Variants in PRR5L observed in about 807,000 individuals in gnomAD.
PRR5L encodes the protein proline-rich protein 5-like.
Under a neutral mutation model 36.4 loss-of-function variants are expected in PRR5L, and 21 were observed. The ratio of observed to expected loss-of-function variants is 0.58; its 90% CI spans 0.41 to 0.83. The LOEUF (loss-of-function observed/expected upper bound fraction) is 0.83. Ranked by LOEUF, PRR5L falls within the 40% of genes least tolerant of loss-of-function variation. The pLI is 0.00. For missense variants in PRR5L, 381 were observed against 473.3 expected, an observed-to-expected ratio of 0.80 and a Z score of 1.81; for synonymous variants, 188 against 197.0, an observed-to-expected ratio of 0.95 and a Z score of 0.38.
At position 36,436,724 on chromosome 11, in the gene PRR5L, GA is replaced by G. The variant is rs1858613041; in HGVS notation, c.353-660del. 3.9e-5 allele frequency among the ~76,000 whole-genome samples: 6 copies of G among 152,202 alleles called. No individual in the cohort carries two copies. The South Asian group carries it at 8.3e-4, about 21-fold the overall frequency. On this transcript the variant is annotated intron_variant, in intron 5 of 8. Coordinates refer to ENST00000530639, the MANE Select transcript of PRR5L (RefSeq NM_001160167.2). ...GATCTTCCTGGATAAGATTGGCCAA[GA>G]GCATGGGTTCTGGAATCACAGCTCT...
At chr11:36,300,393 A>G (rs1355087858) in intron 1 of PRR5L, among the ~76,000 whole-genome samples, 2 of 152,202 alleles carry the variant, frequency 1.3e-5, no homozygotes, top group South Asian at 2.1e-4. Context: ...AACTCACTCC[A>G]TTATCACCAG....
chr11:36,431,013 G>A (rs902305292), intron 4 of PRR5L, among the ~76,000 whole-genome samples: 13 of 152,194 alleles, frequency 8.5e-5, no homozygotes, highest in African/African-American at 2.7e-4. Flanking sequence ...AATATGACAT[G>A]AGTGTAAAGA....
chr11:36,371,056 C>A (rs964168624), intron 1 of PRR5L, among the ~76,000 whole-genome samples: 1 of 152,108 alleles, frequency 6.6e-6, no homozygotes, highest in Admixed American at 6.6e-5. Flanking sequence ...GAATGGAGGG[C>A]AGACACTCCC....
chr11:36,355,654 AT>A, intron 1 of PRR5L, among the ~76,000 whole-genome samples: 1 of 149,638 alleles, frequency 6.7e-6, no homozygotes, highest in African/African-American at 2.5e-5. Flanking sequence ...GGTTCAAGTG[AT>A]TCTCCAGCCT....
At position 36,419,257 on chromosome 11, in the gene PRR5L, G is replaced by C; in HGVS notation, c.248G>C (p.Arg83Pro). 1 of 1,613,942 alleles carries C rather than the reference G, an allele frequency of 6.2e-7. No individual in the cohort carries two copies. Among genetic ancestry groups the C allele is most frequent in the Non-Finnish European group, 8.5e-7 (1 of 1,179,856 alleles). Residue 83 changes from arginine to proline, a missense_variant and splice_region_variant, in exon 4 of 9, where the codon CGG becomes CCG. Arg to Pro is a moderately radical substitution (Grantham distance 103). Coordinates refer to ENST00000530639, the MANE Select transcript of PRR5L (RefSeq NM_001160167.2). Reference sequence around the variant, plus strand: ...TTTCTCTTCTCCCTTCTCCCCAGGCGGCTGTTGAAGAGTGAACTTGGATCA... The same window carrying C: ...TTTCTCTTCTCCCTTCTCCCCAGGCCGCTGTTGAAGAGTGAACTTGGATCA... ...ELYALNENIR[R>P]LLKSELGSFI...
chr11:36,339,989 A>G (rs1856803097), intron 1 of PRR5L, among the ~76,000 whole-genome samples: 1 of 152,008 alleles, frequency 6.6e-6, no homozygotes, highest in Non-Finnish European at 1.5e-5. Context: ...TGAGCTCTCA[A>G]CCTCTGGTCT....
At chr11:36,442,118 A>G (rs1858734103) in intron 6 of PRR5L, among the ~76,000 whole-genome samples, 1 of 152,146 alleles carries the variant, frequency 6.6e-6, no homozygotes, top group Non-Finnish European at 1.5e-5. Flanking sequence ...CCTTTTAGTC[A>G]TGCAAATCTC....
At chr11:36,424,501 G>A (rs1858338188) in intron 4 of PRR5L, among the ~76,000 whole-genome samples, 1 of 152,140 alleles carries the variant, frequency 6.6e-6, no homozygotes, top group Non-Finnish European at 1.5e-5. Context: ...GAAACAACGT[G>A]GTATTAAAAT....
chr11:36,333,756 A>G (rs1012174376), intron 1 of PRR5L, among the ~76,000 whole-genome samples: 1 of 152,172 alleles, frequency 6.6e-6, no homozygotes, highest in Non-Finnish European at 1.5e-5. Flanking sequence ...GGGCATGGAA[A>G]TCTTCTGGGA....
At position 36,411,724 on chromosome 11, in the gene PRR5L, G is replaced by A. The variant is rs538858953; in HGVS notation, c.246-7531G>A. On this transcript the variant is annotated intron_variant, in intron 3 of 8. Transcript: ENST00000530639. ...GGGGTTGCTTTCATGTCAGTTACAC[G>A]TCCCGGCAATTCTTTTCTCCAAAGC... 7.2e-5 allele frequency among the ~76,000 whole-genome samples: 11 copies of A among 152,296 alleles called. No homozygotes were observed. In the East Asian group the frequency reaches 1.2e-3, roughly 16 times the overall value.
intron 1 of PRR5L, among the ~76,000 whole-genome samples, chr11:36,349,106 G>A (rs1264804896): frequency 3.3e-5 from 5 of 151,962 alleles, no homozygotes. Context: ...CCAACGTGGT[G>A]AAACCTGATC....
At chr11:36,395,906 T>C (rs1035512962) in intron 1 of PRR5L, among the ~76,000 whole-genome samples, 2 of 152,096 alleles carry the variant, frequency 1.3e-5, no homozygotes, top group Admixed American at 1.3e-4. Flanking sequence ...TTATTTTTAT[T>C]TTTTGTAGAG....
At chr11:36,326,464 C>T (rs1168870752) in intron 1 of PRR5L, among the ~76,000 whole-genome samples, 1 of 152,194 alleles carries the variant, frequency 6.6e-6, no homozygotes, top group Non-Finnish European at 1.5e-5. Context: ...TCTTTTAGCA[C>T]TTGGTTTATT....
chr11:36,441,507 C>A (rs902901226), intron 6 of PRR5L, among the ~76,000 whole-genome samples: 1 of 152,340 alleles, frequency 6.6e-6, no homozygotes, highest in African/African-American at 2.4e-5. Flanking sequence ...GCCCCTGTGG[C>A]TTTGAAGGGT....
At chr11:36,403,463 G>GTTT (rs34764114) in intron 3 of PRR5L, 85 bp downstream of exon 3, 16,461 of 646,616 alleles carry the variant, frequency 0.025, 343 homozygotes, top group African/African-American at 0.12. Context: ...AGCCTTAAGG[G>GTTT]TTTTTTTTTT....
intron 6 of PRR5L, among the ~76,000 whole-genome samples, chr11:36,442,620 G>A (rs1858745493): frequency 6.6e-6 from 1 of 151,508 alleles, no homozygotes; most frequent in Admixed American, 6.6e-5. Context: ...GATTACAAGT[G>A]TGAGCTACTG....
intron 1 of PRR5L, among the ~76,000 whole-genome samples, chr11:36,354,408 G>T (rs1434193935): frequency 6.6e-6 from 1 of 152,164 alleles, no homozygotes; most frequent in Non-Finnish European, 1.5e-5. Context: ...AGTTATTTTA[G>T]CTTTAGCCAT....
At chr11:36,373,394 T>A (rs1857217118) in intron 1 of PRR5L, among the ~76,000 whole-genome samples, 1 of 152,130 alleles carries the variant, frequency 6.6e-6, no homozygotes, top group South Asian at 2.1e-4. Flanking sequence ...TTGGCATTAA[T>A]GGTCCTTAAG....
rs1005710602 is a variant in PRR5L, at chr11:36,338,155, AG to A, written c.-126+41721del. On this transcript the variant is annotated intron_variant, in intron 1 of 8. Coordinates refer to ENST00000530639, the MANE Select transcript of PRR5L (RefSeq NM_001160167.2). ...TTAGATGTCTTGTTAAAAAGGAAGA[AG>A]GGGAGACATCTAGTAGTCTCTACCA... is the stretch of plus-strand genomic sequence containing the variant. 1.1e-3 allele frequency among the ~76,000 whole-genome samples: 173 copies of A among 152,334 alleles called. No individual in the cohort carries two copies. In the Middle Eastern group the frequency reaches 0.027, roughly 24 times the overall value.
Sources: allele counts gnomAD v4.1 joint callset (sites outside exome capture counted in the v4.1 genomes callset), GRCh38; gene constraint gnomAD v4.1.1; transcripts MANE v1.5; gene names NCBI Gene and HGNC (gene_info 2026-07-23, HGNC 2026-07-21).